Variants in KIF6 observed in about 807,000 individuals in gnomAD.
The protein encoded by KIF6 is kinesin family member 6, also known as kinesin-like protein KIF6.
KIF6 carries 106 observed loss-of-function variants against 112.7 expected under a neutral mutation model. The observed-to-expected ratio is 0.94, with a 90% CI of 0.80 to 1.11. The LOEUF (loss-of-function observed/expected upper bound fraction) is 1.11, where lower values mean the gene tolerates loss of function less well. Among genes scored for constraint, KIF6 ranks in the 50% least tolerant of loss-of-function variants. KIF6 has a pLI of 0.00. For synonymous variants in KIF6, 339 were observed against 339.9 expected (o/e 1.00, Z 0.03); for missense variants, 929 against 964.0 (o/e 0.96, Z 0.48).
At chr6:39,361,428 G>A (rs530544297) in intron 17 of KIF6, among the ~76,000 whole-genome samples, 64 of 151,938 alleles carry the variant, frequency 4.2e-4, no homozygotes, top group African/African-American at 1.4e-3. Context: ...GTGTTGTGGT[G>A]CGTGGCTGTA....
chr6:39,529,216 T>C (rs1777907693), intron 13 of KIF6, among the ~76,000 whole-genome samples: 1 of 151,952 alleles, frequency 6.6e-6, no homozygotes, highest in African/African-American at 2.4e-5. Flanking sequence ...GAAGAAAAGA[T>C]GGGGGAAAAA....
chr6:39,350,000 C>T (rs1280926740), intron 19 of KIF6, among the ~76,000 whole-genome samples: 5 of 152,100 alleles, frequency 3.3e-5, no homozygotes, highest in East Asian at 1.9e-4. Context: ...CATTCCCTTT[C>T]GGGGCCTCAG....
At chr6:39,442,986 C>T (rs1054819615) in intron 13 of KIF6, among the ~76,000 whole-genome samples, 1 of 151,686 alleles carries the variant, frequency 6.6e-6, no homozygotes, top group Non-Finnish European at 1.5e-5. Context: ...TGGTGGCGGG[C>T]ACCTGTAGTC....
At chr6:39,549,109 C>T (rs1425705599) in intron 10 of KIF6, among the ~76,000 whole-genome samples, 2 of 152,114 alleles carry the variant, frequency 1.3e-5, no homozygotes, top group African/African-American at 2.4e-5. Flanking sequence ...TCAGCAACTC[C>T]ATCATATTAG....
chr6:39,677,932 T>C (rs1336329351), intron 3 of KIF6, among the ~76,000 whole-genome samples: 1 of 146,412 alleles, frequency 6.8e-6, no homozygotes, highest in African/African-American at 2.5e-5. Flanking sequence ...CAGTCTATCA[T>C]TGTTGGACAT....
chr6:39,337,311 CT>C (rs1763087397), intron 22 of KIF6, among the ~76,000 whole-genome samples: 1 of 137,408 alleles, frequency 7.3e-6, no homozygotes, highest in Non-Finnish European at 1.5e-5. Context: ...TTCCTTCTTT[CT>C]TTTTCTTTCT....
intron 10 of KIF6, among the ~76,000 whole-genome samples, chr6:39,571,229 T>C (rs554934147): frequency 1.8e-4 from 27 of 152,352 alleles, no homozygotes; most frequent in African/African-American, 6.3e-4. Flanking sequence ...TGATTCTTCA[T>C]TAACAAGATC....
At chr6:39,704,942 G>T (rs1233375155) in intron 3 of KIF6, among the ~76,000 whole-genome samples, 10 of 152,184 alleles carry the variant, frequency 6.6e-5, no homozygotes, top group African/African-American at 2.4e-4. Context: ...TATGACATAG[G>T]TCTCATGTAT....
chr6:39,580,691 A>G (rs1781238033), intron 9 of KIF6, among the ~76,000 whole-genome samples: 1 of 152,174 alleles, frequency 6.6e-6, no homozygotes, highest in Admixed American at 6.5e-5. Flanking sequence ...TCATGTGATT[A>G]GTATTTTAGT....
At chr6:39,685,056 T>G (rs1349979468) in intron 3 of KIF6, among the ~76,000 whole-genome samples, 1 of 152,144 alleles carries the variant, frequency 6.6e-6, no homozygotes, top group Non-Finnish European at 1.5e-5. Flanking sequence ...GACAACTCTT[T>G]TCAGGTAGTT....
At chr6:39,360,294 G>A (rs552165968) in intron 18 of KIF6, 101 bp downstream of exon 18, 210 of 1,357,450 alleles carry the variant, frequency 1.5e-4, no homozygotes, top group Non-Finnish European at 2.0e-4. Context: ...CTGAGACCAT[G>A]GGGGCCTGTG....
intron 2 of KIF6, among the ~76,000 whole-genome samples, chr6:39,719,282 G>T (rs1790061669): frequency 6.6e-6 from 1 of 151,956 alleles, no homozygotes; most frequent in Non-Finnish European, 1.5e-5. Context: ...CTGCGCCATT[G>T]CACTCCAGCC....
intron 15 of KIF6, among the ~76,000 whole-genome samples, chr6:39,411,814 G>A (rs1395362387): frequency 6.6e-6 from 1 of 152,214 alleles, no homozygotes; most frequent in Non-Finnish European, 1.5e-5. Context: ...TTTGTGCTTG[G>A]AGAGGCTCAC....
chr6:39,371,427 G>C (rs1765981541), intron 16 of KIF6, among the ~76,000 whole-genome samples: 1 of 152,210 alleles, frequency 6.6e-6, no homozygotes, highest in Non-Finnish European at 1.5e-5. Context: ...GGTAGGAGGA[G>C]AGAGAGGCCA....
At position 39,419,991 on chromosome 6, in the gene KIF6, G is replaced by A; in HGVS notation, c.1767C>T (p.Ala589=). 1 of 1,612,758 alleles carries A rather than the reference G, an allele frequency of 6.2e-7. No homozygotes were observed. Among genetic ancestry groups the A allele is most frequent in the Non-Finnish European group, 8.5e-7 (1 of 1,178,910 alleles). Residue 589 remains alanine (A), a synonymous_variant, in exon 15 of 23, where the codon GCC becomes GCT. Coordinates refer to ENST00000287152, the MANE Select transcript of KIF6 (RefSeq NM_145027.6). ...CATTTATACTTTCTCCCAGGGCCTT[G>A]GCTTCAGAAAATCTGGAGGGGAAAA... is the stretch of plus-strand genomic sequence containing the variant. The part of the protein sequence containing the change: ...KQILKQRFSE[A]KALGESINEA...
chr6:39,671,094 T>C (rs997302541), intron 3 of KIF6, among the ~76,000 whole-genome samples: 2 of 152,218 alleles, frequency 1.3e-5, no homozygotes, highest in South Asian at 2.1e-4. Context: ...AAGAAGCTTA[T>C]AGTTCAGTTG....
intron 13 of KIF6, among the ~76,000 whole-genome samples, chr6:39,522,365 G>A (rs1394676948): frequency 1.3e-5 from 2 of 152,102 alleles, no homozygotes; most frequent in Admixed American, 1.3e-4. Context: ...AAATCATCCA[G>A]TACCCCCAGC....
intron 10 of KIF6, among the ~76,000 whole-genome samples, 175 bp from the exon 11 acceptor site, chr6:39,545,863 T>C (rs1049964569): frequency 6.6e-6 from 1 of 152,208 alleles, no homozygotes; most frequent in Admixed American, 6.5e-5. Context: ...GTGAAATTTA[T>C]AGTGAAGCCA....
intron 3 of KIF6, among the ~76,000 whole-genome samples, chr6:39,700,324 GTA>G (rs1182308703): frequency 6.6e-6 from 1 of 152,142 alleles, no homozygotes; most frequent in Non-Finnish European, 1.5e-5. Flanking sequence ...AGAGCTAAGA[GTA>G]TTTTATAAAC....
Sources: gnomAD v4.1 joint callset for allele counts (sites outside exome capture counted in the v4.1 genomes callset) on GRCh38, gnomAD v4.1.1 for gene constraint, MANE v1.5 for transcripts, NCBI Gene and HGNC (gene_info 2026-07-23, HGNC 2026-07-21) for gene names.